GSG1L2: variants seen among roughly 807,000 people sequenced by gnomAD.
GSG1L2 encodes GSG1 like 2.
Under a neutral mutation model 9.0 loss-of-function variants are expected in GSG1L2, and 15 were observed. That is an observed-to-expected ratio of 1.67 (90% CI 1.12 to 2.57). GSG1L2 has a LOEUF of 2.57. Among genes scored for constraint, GSG1L2 ranks in the 30% most tolerant of loss-of-function variants. The pLI is 0.00. For synonymous variants in GSG1L2, 127 were observed against 57.9 expected (o/e 2.19, Z -5.41); for missense variants, 286 against 150.3 (o/e 1.90, Z -4.72).
At chr17:9,808,166 TGA>T (rs1390534497) in intron 3 of GSG1L2, among the ~76,000 whole-genome samples, 2 of 152,170 alleles carry the variant, frequency 1.3e-5, no homozygotes, top group East Asian at 3.9e-4. Context: ...GAACTTAACA[TGA>T]GTAACTTTTC....
intron 1 of GSG1L2, among the ~76,000 whole-genome samples, chr17:9,814,409 G>A (rs35998724): frequency 0.15 from 22,852 of 152,056 alleles, 1,747 homozygotes; most frequent in Middle Eastern, 0.19. Flanking sequence ...TCTACCTAAT[G>A]CACGGAGAAG....
intron 2 of GSG1L2, 23 bp downstream of exon 2, chr17:9,810,548 C>A: frequency 1.4e-6 from 1 of 702,846 alleles, no homozygotes; most frequent in Non-Finnish European, 2.6e-6. Flanking sequence ...TGCTAGTGGG[C>A]AGAGTGTGAG....
At chr17:9,807,132 G>A (rs2066518907) in intron 4 of GSG1L2, among the ~76,000 whole-genome samples, 1 of 152,092 alleles carries the variant, frequency 6.6e-6, no homozygotes, top group South Asian at 2.1e-4. Flanking sequence ...TAGAAACAGG[G>A]GCTGGGTCTC....
Position 9,801,580 on chromosome 17 carries a change from T to C in GSG1L2, c.*806A>G, listed in dbSNP as rs1427218778. On this transcript the variant is annotated 3_prime_UTR_variant, in exon 5 of 5. Transcript: ENST00000399363. ...CCTGTGGCCTGAATAACATGGTAGC[T>C]GGACATGGGATGAATTGATACAATA... 2.0e-5 allele frequency among the ~76,000 whole-genome samples: 3 copies of C among 152,206 alleles called. No individual in the cohort carries two copies. Among genetic ancestry groups the C allele is most frequent in the African/African-American group, 2.4e-5 (1 of 41,454 alleles).
chr17:9,800,807 G>A lies in GSG1L2; in HGVS notation c.*1579C>T, dbSNP rs1048922119. Among the ~76,000 whole-genome samples the A allele has an allele frequency of 6.6e-6, 1 of 152,182 alleles. No homozygotes were observed. The highest frequency in any genetic ancestry group is 1.5e-5 in the Non-Finnish European group (1 of 68,036). On this transcript the variant is annotated 3_prime_UTR_variant, in exon 5 of 5. Coordinates refer to ENST00000399363, the MANE Select transcript of GSG1L2 (RefSeq NM_001310219.2). The stretch of plus-strand genomic sequence containing the variant: ...GATGAAAAACCATATGAAAGAACCT[G>A]CACACTGCAAAGGGCAGAGGCTTGT...
chr17:9,807,442 A>G (rs1489148603), intron 4 of GSG1L2, 48 bp downstream of exon 4: 1 of 701,844 alleles, frequency 1.4e-6, no homozygotes, highest in Non-Finnish European at 2.6e-6. Flanking sequence ...GTTTATGTGC[A>G]TCTCTCCTGA....
intron 1 of GSG1L2, among the ~76,000 whole-genome samples, chr17:9,814,506 A>AGAAG (rs1251912760): frequency 6.6e-6 from 1 of 152,196 alleles, no homozygotes; most frequent in Non-Finnish European, 1.5e-5. Context: ...CTGGGCAAAG[A>AGAAG]GAAGGTGGAG....
chr17:9,810,851 G>A, intron 1 of GSG1L2: 1 of 555,684 alleles, frequency 1.8e-6, no homozygotes, highest in Non-Finnish European at 3.2e-6. Flanking sequence ...AAATGAGGTG[G>A]ATCTGAGCAG....
At chr17:9,808,568 G>A (rs1003771496) in intron 3 of GSG1L2, among the ~76,000 whole-genome samples, 3 of 152,152 alleles carry the variant, frequency 2.0e-5, no homozygotes, top group Admixed American at 1.3e-4. Context: ...AGCTGTCAGA[G>A]CCAGGGCACC....
At chr17:9,806,839 C>T (rs577550782) in intron 4 of GSG1L2, among the ~76,000 whole-genome samples, 4 of 152,324 alleles carry the variant, frequency 2.6e-5, no homozygotes, top group African/African-American at 7.2e-5. Context: ...AAAGTTCAGA[C>T]TCTAACAACT....
chr17:9,811,364 G>A (rs1239140271), intron 1 of GSG1L2, among the ~76,000 whole-genome samples: 1 of 152,192 alleles, frequency 6.6e-6, no homozygotes, highest in African/African-American at 2.4e-5. Context: ...GCCGCCACCA[G>A]ACTCATTTAT....
intron 1 of GSG1L2, among the ~76,000 whole-genome samples, chr17:9,816,679 G>GC (rs2066565365): frequency 6.6e-6 from 1 of 150,812 alleles, no homozygotes; most frequent in Non-Finnish European, 1.5e-5. Flanking sequence ...GTGTCTGTGT[G>GC]TGTGTGTCTG....
At chr17:9,817,950 G>A (rs8065775) in intron 1 of GSG1L2, among the ~76,000 whole-genome samples, 33,111 of 151,966 alleles carry the variant, frequency 0.22, 3,948 homozygotes, top group East Asian at 0.43. Flanking sequence ...AGTTCTGCCT[G>A]CCTGGAACGT....
chr17:9,819,731 C>G (rs975308791), intron 1 of GSG1L2, among the ~76,000 whole-genome samples: 1 of 152,070 alleles, frequency 6.6e-6, no homozygotes, highest in Non-Finnish European at 1.5e-5. Flanking sequence ...CTCCTGGGAT[C>G]AGGCGATTCT....
chr17:9,813,159 G>A (rs1239326101), intron 1 of GSG1L2, among the ~76,000 whole-genome samples: 10 of 152,164 alleles, frequency 6.6e-5, no homozygotes, highest in African/African-American at 2.4e-4. Context: ...TTCTGGCAGT[G>A]CATGTCTAAT....
At chr17:9,816,924 G>GTGTA (rs2066569835) in intron 1 of GSG1L2, among the ~76,000 whole-genome samples, 1 of 44,064 alleles carries the variant, frequency 2.3e-5, no homozygotes, top group Admixed American at 3.6e-4. Flanking sequence ...GTGTGTGTGT[G>GTGTA]TGTGTGTGTG....
At position 9,800,827 on chromosome 17, in the gene GSG1L2, G is replaced by T. The variant is rs1424343469; in HGVS notation, c.*1559C>A. 1.3e-5 allele frequency among the ~76,000 whole-genome samples: 2 copies of T among 152,218 alleles called. No homozygotes were observed. Among genetic ancestry groups the T allele is most frequent in the Non-Finnish European group, 2.9e-5 (2 of 68,040 alleles). ...AACCTGCACACTGCAAAGGGCAGAG[G>T]CTTGTGGGTACAAACTCTCCTGCTC... is the stretch of plus-strand genomic sequence containing the variant. On this transcript the variant is annotated 3_prime_UTR_variant, in exon 5 of 5. Transcript: ENST00000399363.
At chr17:9,812,190 G>T (rs1184529946) in intron 1 of GSG1L2, among the ~76,000 whole-genome samples, 1 of 152,168 alleles carries the variant, frequency 6.6e-6, no homozygotes. Flanking sequence ...CAAGGGCAAG[G>T]TTCATGCCAG....
At position 9,820,296 on chromosome 17, in the gene GSG1L2, G is replaced by A. The variant is rs1437711878; in HGVS notation, c.310+1466C>T. On this transcript the variant is annotated intron_variant, in intron 1 of 4. Coordinates refer to ENST00000399363, the MANE Select transcript of GSG1L2 (RefSeq NM_001310219.2). The surrounding 1 kb of genome is among the most constrained non-coding windows in gnomAD (Gnocchi z 4.9). ...ATAGGCAGTCCTCATATGAGAACTTGGAAAGGAGATGGAATTTCCCAAGTG... is the reference window on the plus strand; with the variant it reads ...ATAGGCAGTCCTCATATGAGAACTTAGAAAGGAGATGGAATTTCCCAAGTG... Among the ~76,000 whole-genome samples the A allele has an allele frequency of 6.6e-6, 1 of 152,066 alleles. No homozygotes were observed. The highest frequency in any genetic ancestry group is 1.9e-4 in the East Asian group (1 of 5,192).
Sources: allele counts gnomAD v4.1 joint callset (sites outside exome capture counted in the v4.1 genomes callset), GRCh38; gene constraint gnomAD v4.1.1; non-coding constraint Gnocchi (gnomAD v3.1); transcripts MANE v1.5; gene names NCBI Gene and HGNC (gene_info 2026-07-23, HGNC 2026-07-21).